KCNIP4: variants seen among roughly 807,000 people sequenced by gnomAD.
The protein encoded by KCNIP4 is potassium voltage-gated channel interacting protein 4.
In KCNIP4, 12 loss-of-function variants were observed where a neutral mutation model predicts 34.0. The observed-to-expected ratio is 0.35, with a 90% CI of 0.23 to 0.57. The LOEUF (loss-of-function observed/expected upper bound fraction) is 0.57. Ranked by LOEUF, KCNIP4 falls within the 20% of genes least tolerant of loss-of-function variation. KCNIP4 has a pLI of 0.83. For missense variants in KCNIP4, 238 were observed against 311.7 expected (o/e 0.76, Z 1.78); for synonymous variants, 124 against 102.2 (o/e 1.21, Z -1.29).
At chr4:20,840,634 A>T (rs1193209972) in intron 3 of KCNIP4, among the ~76,000 whole-genome samples, 1 of 152,192 alleles carries the variant, frequency 6.6e-6, no homozygotes. Context: ...GAACCACGAG[A>T]TGGAAGGAGT....
At chr4:21,048,525 C>T (rs781780604) in intron 1 of KCNIP4, among the ~76,000 whole-genome samples, 7 of 152,140 alleles carry the variant, frequency 4.6e-5, no homozygotes, top group Non-Finnish European at 1.0e-4. Context: ...TGCTTCTCTC[C>T]CCTCTCTCCC....
At chr4:21,822,265 G>C (rs1451372928) in intron 1 of KCNIP4, among the ~76,000 whole-genome samples, 1 of 152,192 alleles carries the variant, frequency 6.6e-6, no homozygotes, top group East Asian at 1.9e-4. Flanking sequence ...TCTGTTATGA[G>C]ATGATAATAA....
rs1354629610 is a variant in KCNIP4 at position 20,984,570 on chromosome 4, G to T, written c.62-101861C>A. Among the ~76,000 whole-genome samples the T allele has an allele frequency of 5.3e-5, 8 of 152,286 alleles. No homozygotes were observed. The East Asian group carries it at 1.5e-3, about 29-fold the overall frequency. On this transcript the variant is annotated intron_variant, in intron 1 of 8. Coordinates refer to ENST00000382152, the MANE Select transcript of KCNIP4 (RefSeq NM_025221.6). Reference sequence around the variant, plus strand: ...CTTTTCCAGGGAGAAAAGTGCAGGAGCAAAGCTCCGTGATTCAATGACTTT... The same window carrying T: ...CTTTTCCAGGGAGAAAAGTGCAGGATCAAAGCTCCGTGATTCAATGACTTT...
At chr4:21,649,819 G>T (rs1296789140) in intron 1 of KCNIP4, among the ~76,000 whole-genome samples, 2 of 152,148 alleles carry the variant, frequency 1.3e-5, no homozygotes, top group African/African-American at 4.8e-5. Flanking sequence ...TAGGGAATGT[G>T]CTGAATGTCC....
chr4:21,139,118 A>G (rs1171483707), intron 1 of KCNIP4, among the ~76,000 whole-genome samples: 10 of 152,166 alleles, frequency 6.6e-5, no homozygotes, highest in African/African-American at 2.4e-4. Context: ...GCTTTATGTT[A>G]GATTTCTTTA....
chr4:20,986,559 T>C (rs1736596558), intron 1 of KCNIP4, among the ~76,000 whole-genome samples: 1 of 152,358 alleles, frequency 6.6e-6, no homozygotes, highest in Non-Finnish European at 1.5e-5. Context: ...TATCATACCA[T>C]ATTGTAGTTG....
chr4:21,399,455 G>A (rs1723283531), intron 1 of KCNIP4, among the ~76,000 whole-genome samples: 1 of 152,170 alleles, frequency 6.6e-6, no homozygotes, highest in Non-Finnish European at 1.5e-5. Flanking sequence ...GATTCCTAAT[G>A]ACATATTAAA....
intron 1 of KCNIP4, among the ~76,000 whole-genome samples, chr4:21,136,570 G>A (rs191221060): frequency 6.6e-6 from 1 of 152,096 alleles, no homozygotes; most frequent in Non-Finnish European, 1.5e-5. Context: ...GATGTTTCCT[G>A]TCCTTTCCTC....
intron 1 of KCNIP4, among the ~76,000 whole-genome samples, chr4:20,942,815 G>A (rs1731774891): frequency 6.6e-6 from 1 of 152,022 alleles, no homozygotes; most frequent in Non-Finnish European, 1.5e-5. Flanking sequence ...GGGATTACAG[G>A]CGCACACCAC....
At chr4:21,597,405 G>A (rs534515765) in intron 1 of KCNIP4, among the ~76,000 whole-genome samples, 4 of 152,052 alleles carry the variant, frequency 2.6e-5, no homozygotes, top group Admixed American at 1.3e-4. Flanking sequence ...ATCCAGTCTC[G>A]GGTATGTCTT....
chr4:20,846,900 A>G (rs987692917), intron 3 of KCNIP4, among the ~76,000 whole-genome samples: 2 of 152,222 alleles, frequency 1.3e-5, no homozygotes, highest in African/African-American at 2.4e-5. Flanking sequence ...GAGCAATTAC[A>G]TCAGAATCAC....
At chr4:21,622,380 A>G (rs1187183406) in intron 1 of KCNIP4, among the ~76,000 whole-genome samples, 1 of 152,136 alleles carries the variant, frequency 6.6e-6, no homozygotes, top group East Asian at 1.9e-4. Flanking sequence ...TTGCCTGCCT[A>G]TCCTGCAATT....
chr4:21,501,304 T>C (rs1733323182), intron 1 of KCNIP4, among the ~76,000 whole-genome samples: 1 of 147,448 alleles, frequency 6.8e-6, no homozygotes, highest in Non-Finnish European at 1.5e-5. Context: ...CAAATCACAG[T>C]TCAAGGAATC....
intron 1 of KCNIP4, chr4:21,582,034 AATGGAATG>A: frequency 1.7e-5 from 2 of 118,242 alleles, no homozygotes; most frequent in African/African-American, 6.6e-5. Context: ...AATAGAATGG[AATGGAATG>A]GAATGGAATG....
intron 1 of KCNIP4, among the ~76,000 whole-genome samples, chr4:21,301,771 C>T (rs1711738479): frequency 2.0e-5 from 3 of 152,128 alleles, no homozygotes; most frequent in Admixed American, 1.3e-4. Context: ...TACACACAAT[C>T]AGCTATATCA....
At chr4:21,751,368 AT>A (rs1717140228) in intron 1 of KCNIP4, among the ~76,000 whole-genome samples, 1 of 152,138 alleles carries the variant, frequency 6.6e-6, no homozygotes, top group Admixed American at 6.6e-5. Flanking sequence ...AAGGATTATT[AT>A]TAATTGTGTT....
At chr4:21,738,138 AT>A (rs1716137600) in intron 1 of KCNIP4, among the ~76,000 whole-genome samples, 1 of 145,922 alleles carries the variant, frequency 6.9e-6, no homozygotes, top group Non-Finnish European at 1.5e-5. Flanking sequence ...TAAATAAATA[AT>A]AAATAAAAGG....
At chr4:21,508,728 AT>A (rs972246620) in intron 1 of KCNIP4, among the ~76,000 whole-genome samples, 52 of 136,672 alleles carry the variant, frequency 3.8e-4, no homozygotes, top group African/African-American at 1.8e-3. Flanking sequence ...TGCCTTGAAC[AT>A]GCTGTCTGCT....
intron 1 of KCNIP4, among the ~76,000 whole-genome samples, chr4:21,080,134 A>T (rs1459836186): frequency 6.6e-6 from 1 of 151,834 alleles, no homozygotes; most frequent in Non-Finnish European, 1.5e-5. Flanking sequence ...ATTTATAAAT[A>T]CATAGACTCT....
Sources: gnomAD v4.1 joint callset for allele counts (sites outside exome capture counted in the v4.1 genomes callset) on GRCh38, gnomAD v4.1.1 for gene constraint, MANE v1.5 for transcripts, NCBI Gene and HGNC (gene_info 2026-07-23, HGNC 2026-07-21) for gene names.